Variants in CLSTN2 observed in about 807,000 individuals in gnomAD.
The protein encoded by CLSTN2 is calsyntenin 2, also known as calsyntenin-2.
CLSTN2 carries 48 observed loss-of-function variants against 101.2 expected under a neutral mutation model. The ratio of observed to expected loss-of-function variants is 0.47; its 90% CI spans 0.38 to 0.60. The LOEUF (loss-of-function observed/expected upper bound fraction) is 0.60. Ranked by LOEUF, CLSTN2 falls within the 20% of genes least tolerant of loss-of-function variation. The probability of loss-of-function intolerance (pLI) is 0.00; values close to 1 mark genes in which losing one functional copy is unlikely to be tolerated. For synonymous variants in CLSTN2, 481 were observed against 463.6 expected, an observed-to-expected ratio of 1.04 and a Z score of -0.48; for missense variants, 1,160 against 1,238.2, an observed-to-expected ratio of 0.94 and a Z score of 0.95.
intron 1 of CLSTN2, among the ~76,000 whole-genome samples, chr3:140,131,501 A>G (rs1383597255): frequency 6.6e-6 from 1 of 152,046 alleles, no homozygotes; most frequent in South Asian, 2.1e-4. Flanking sequence ...GTCCCTTTCT[A>G]TAGTATTCTG....
At chr3:140,311,601 C>T (rs919226284) in intron 2 of CLSTN2, among the ~76,000 whole-genome samples, 22 of 151,786 alleles carry the variant, frequency 1.4e-4, no homozygotes, top group South Asian at 8.3e-4. Flanking sequence ...CCACCGCGCC[C>T]GGCCAGATTT....
Position 140,344,649 on chromosome 3 carries a change from C to T in CLSTN2, c.233-58980C>T, listed in dbSNP as rs112293249. Among the ~76,000 whole-genome samples, 182 of 152,298 alleles carry T rather than the reference C, an allele frequency of 1.2e-3. 1 individual carries two copies. The highest frequency in any genetic ancestry group is 3.9e-3 in the African/African-American group (162 of 41,554). On this transcript the variant is annotated intron_variant, in intron 2 of 16. Coordinates refer to ENST00000458420, the MANE Select transcript of CLSTN2 (RefSeq NM_022131.3). ...CTTTTGAGATTCCAGCTAGTGGCCA[C>T]CTCCCCTGGGGTACCTTCCCTGATG...
At chr3:140,116,898 A>T (rs1237318066) in intron 1 of CLSTN2, among the ~76,000 whole-genome samples, 1 of 152,130 alleles carries the variant, frequency 6.6e-6, no homozygotes, top group East Asian at 1.9e-4. Context: ...GTGCTTTATC[A>T]GGTTTTCCAG....
chr3:140,379,793 T>A (rs904757426), intron 2 of CLSTN2, among the ~76,000 whole-genome samples: 1 of 152,148 alleles, frequency 6.6e-6, no homozygotes, highest in African/African-American at 2.4e-5. Context: ...ACGAAAATGA[T>A]CTTATAATAT....
intron 1 of CLSTN2, among the ~76,000 whole-genome samples, chr3:140,084,171 G>A (rs2008642866): frequency 6.6e-6 from 1 of 152,128 alleles, no homozygotes; most frequent in Non-Finnish European, 1.5e-5. Flanking sequence ...TGTTTCAAAT[G>A]GGATGCATGT....
rs370992311 is a variant in CLSTN2 at position 140,466,681 on chromosome 3, G to C, written c.1294G>C (p.Asp432His). The C allele has an allele frequency of 1.4e-5, 22 of 1,614,084 alleles. 1 individual carries two copies. The South Asian group carries it at 2.0e-4, about 15-fold the overall frequency. The change falls in exon 8 of 17, where the codon GAC (aspartate) becomes CAC (histidine). Residue 432 changes from aspartate to histidine, a missense_variant. Coordinates refer to ENST00000458420, the MANE Select transcript of CLSTN2 (RefSeq NM_022131.3). ...RLVFLLRKDF[D>H]QADTFRPAEF... ...CGTCTTTCTCTTGCGGAAGGACTTC[G>C]ACCAGGCTGACACCTTTCGCCCCGC...
intron 1 of CLSTN2, among the ~76,000 whole-genome samples, chr3:139,948,978 G>A (rs749078418): frequency 1.1e-4 from 17 of 152,154 alleles, no homozygotes; most frequent in Non-Finnish European, 2.5e-4. Context: ...AGCCCCATCT[G>A]CAGGACGACC....
chr3:140,445,821 A>G (rs1248428077), intron 5 of CLSTN2, among the ~76,000 whole-genome samples: 2 of 152,142 alleles, frequency 1.3e-5, no homozygotes, highest in Non-Finnish European at 2.9e-5. Context: ...ATTCTGTCAC[A>G]GTTTCTACCA....
At chr3:140,556,839 C>CG in intron 11 of CLSTN2, 178 bp downstream of exon 11, 2 of 606,606 alleles carry the variant, frequency 3.3e-6, no homozygotes, top group East Asian at 2.8e-5. Flanking sequence ...TCTTCCTAAG[C>CG]AAGATGTTCT....
At chr3:140,361,553 A>C (rs765626929) in intron 2 of CLSTN2, among the ~76,000 whole-genome samples, 2 of 152,196 alleles carry the variant, frequency 1.3e-5, no homozygotes, top group South Asian at 4.1e-4. Flanking sequence ...ATCTTTATGC[A>C]TAGAGAACGT....
chr3:140,303,949 T>C (rs141580753), intron 2 of CLSTN2, among the ~76,000 whole-genome samples: 1 of 151,982 alleles, frequency 6.6e-6, no homozygotes. Context: ...GCCACTTCTC[T>C]GATTTTAAGC....
chr3:140,404,328 A>T (rs902618157), intron 3 of CLSTN2, among the ~76,000 whole-genome samples: 2 of 152,204 alleles, frequency 1.3e-5, no homozygotes, highest in African/African-American at 4.8e-5. Context: ...GTGCAGAGGG[A>T]AGGGCATAAA....
intron 2 of CLSTN2, among the ~76,000 whole-genome samples, chr3:140,376,661 A>G (rs1443795502): frequency 6.6e-6 from 1 of 152,228 alleles, no homozygotes; most frequent in Non-Finnish European, 1.5e-5. Context: ...GTGAGGAGTT[A>G]TATCCTAAAT....
At chr3:140,339,398 T>C (rs935319623) in intron 2 of CLSTN2, among the ~76,000 whole-genome samples, 1 of 152,210 alleles carries the variant, frequency 6.6e-6, no homozygotes, top group African/African-American at 2.4e-5. Flanking sequence ...TAGTGAGATT[T>C]GTGAAGAGTA....
At chr3:140,181,278 G>A (rs890734288) in intron 2 of CLSTN2, among the ~76,000 whole-genome samples, 1 of 152,144 alleles carries the variant, frequency 6.6e-6, no homozygotes, top group Non-Finnish European at 1.5e-5. Flanking sequence ...CTCTCTGGTA[G>A]CCAGTAGACA....
chr3:139,952,729 G>A (rs73867240), intron 1 of CLSTN2, among the ~76,000 whole-genome samples: 4,111 of 152,168 alleles, frequency 0.027, 171 homozygotes, highest in African/African-American at 0.091. Context: ...CTACCTGTTC[G>A]TTTCCCATTT....
chr3:140,027,502 TG>T (rs1489522586), intron 1 of CLSTN2, among the ~76,000 whole-genome samples: 1 of 152,186 alleles, frequency 6.6e-6, no homozygotes, highest in Non-Finnish European at 1.5e-5. Flanking sequence ...TTTAGACTTT[TG>T]GCCTCCACAG....
chr3:140,275,368 G>A (rs2086784195), intron 2 of CLSTN2, among the ~76,000 whole-genome samples: 1 of 152,004 alleles, frequency 6.6e-6, no homozygotes, highest in Admixed American at 6.6e-5. Context: ...CAACTCCTGG[G>A]CTGAAGTGAT....
At chr3:140,078,616 G>A (rs960318727) in intron 1 of CLSTN2, among the ~76,000 whole-genome samples, 6 of 152,170 alleles carry the variant, frequency 3.9e-5, no homozygotes, top group Non-Finnish European at 8.8e-5. Context: ...GAGTGACAGC[G>A]TGGTGATCTA....
Sources: allele counts gnomAD v4.1 joint callset (sites outside exome capture counted in the v4.1 genomes callset), GRCh38; gene constraint gnomAD v4.1.1; transcripts MANE v1.5; gene names NCBI Gene and HGNC (gene_info 2026-07-23, HGNC 2026-07-21).